The following ZNF407 variants were observed in gnomAD, a reference collection of about 807,000 sequenced individuals.
ZNF407 encodes zinc finger protein 407.
Under a neutral mutation model 131.2 loss-of-function variants are expected in ZNF407, and 17 were observed. That is an observed-to-expected ratio of 0.13 (90% CI 0.09 to 0.19). The LOEUF is 0.19. Among genes scored for constraint, ZNF407 ranks in the 10% least tolerant of loss-of-function variants. ZNF407 has a pLI of 1.00. For synonymous variants in ZNF407, 1,156 were observed against 1,062.0 expected (o/e 1.09, Z -1.72); for missense variants, 2,681 against 2,830.6 (o/e 0.95, Z 1.20).
intron 1 of ZNF407, among the ~76,000 whole-genome samples, chr18:74,625,451 C>T (rs961400081): frequency 1.3e-5 from 2 of 152,048 alleles, no homozygotes; most frequent in Non-Finnish European, 2.9e-5. Flanking sequence ...CTGCTGGTGC[C>T]TAGTGAAAGG....
intron 7 of ZNF407, chr18:74,905,788 C>T (rs1971588232): frequency 6.6e-6 from 1 of 152,026 alleles, no homozygotes; most frequent in Non-Finnish European, 1.5e-5. Context: ...AAATAGCTAC[C>T]AGTTATAATA....
At chr18:74,751,849 T>C (rs1968811812) in intron 3 of ZNF407, among the ~76,000 whole-genome samples, 1 of 152,236 alleles carries the variant, frequency 6.6e-6, no homozygotes, top group African/African-American at 2.4e-5. Context: ...CGTGTGTCTT[T>C]ATAGCAAGCT....
In ZNF407 at chr18:75,048,192, CCTGTA is replaced by C. The variant is rs1973457813; in HGVS notation, c.5429-14956_5429-14952del. Reference sequence around the variant, plus strand: ...AGGCCTGTGCCTCGTCTCCCGGTGACCTGTACAGACACCGCCCTTTTTGCTCTCAA... The same window carrying C: ...AGGCCTGTGCCTCGTCTCCCGGTGACCAGACACCGCCCTTTTTGCTCTCAA... On this transcript the variant is annotated intron_variant, in intron 8 of 8. Transcript: ENST00000299687. The surrounding 1 kb of genome is among the most constrained non-coding windows in gnomAD (Gnocchi z 4.1). Among the ~76,000 whole-genome samples the C allele has an allele frequency of 1.3e-5, 2 of 152,188 alleles. No homozygotes were observed. The highest frequency in any genetic ancestry group is 1.3e-4 in the Admixed American group (2 of 15,280).
intron 1 of ZNF407, among the ~76,000 whole-genome samples, chr18:74,606,370 A>T (rs1982806027): frequency 6.6e-6 from 1 of 152,210 alleles, no homozygotes; most frequent in Admixed American, 6.5e-5. Flanking sequence ...GTTTCTTATG[A>T]CATAATGGAG....
At chr18:74,616,750 C>A in intron 1 of ZNF407, among the ~76,000 whole-genome samples, 1 of 151,612 alleles carries the variant, frequency 6.6e-6, no homozygotes, top group Middle Eastern at 3.4e-3. Flanking sequence ...TTGCCTACCA[C>A]ACACATCCAT....
intron 3 of ZNF407, among the ~76,000 whole-genome samples, chr18:74,677,751 C>G (rs957798580): frequency 1.3e-5 from 2 of 152,104 alleles, no homozygotes; most frequent in African/African-American, 4.8e-5. Context: ...AATATTGAAG[C>G]CCCTTTGGGT....
intron 4 of ZNF407, among the ~76,000 whole-genome samples, chr18:74,842,892 T>C (rs1486537071): frequency 2.0e-5 from 3 of 152,106 alleles, no homozygotes; most frequent in East Asian, 3.9e-4. Context: ...AATTTTTGTA[T>C]TTTTAGTAGA....
At chr18:74,836,008 GAAA>G (rs572896349) in intron 4 of ZNF407, among the ~76,000 whole-genome samples, 250 of 129,800 alleles carry the variant, frequency 1.9e-3, no homozygotes, top group African/African-American at 6.7e-3. Flanking sequence ...GACCCTTATG[GAAA>G]AAAAAAAAAA....
In ZNF407 at chr18:74,638,449, G is replaced by T. The variant is rs1984561036; in HGVS notation, c.4688-2559G>T. ...GATGGCTCTAGTGGTTAGATGTTGG[G>T]TAATATACAACTTCCTTCATTCCTT... On this transcript the variant is annotated intron_variant, in intron 2 of 8. Transcript: ENST00000299687. Among the ~76,000 whole-genome samples the T allele has an allele frequency of 2.0e-5, 3 of 152,292 alleles. No individual in the cohort carries two copies. In the South Asian group the frequency reaches 6.2e-4, roughly 32 times the overall value.
chr18:74,665,503 G>A (rs1985894597), intron 3 of ZNF407, among the ~76,000 whole-genome samples: 1 of 152,162 alleles, frequency 6.6e-6, no homozygotes, highest in African/African-American at 2.4e-5. Flanking sequence ...ATTGACCAGA[G>A]CTGAGTACAA....
chr18:74,708,724 C>G (rs1261796830), intron 3 of ZNF407, among the ~76,000 whole-genome samples: 1 of 152,230 alleles, frequency 6.6e-6, no homozygotes, highest in Non-Finnish European at 1.5e-5. Context: ...TGGGGTCTGC[C>G]AGCTTGCTGT....
intron 3 of ZNF407, among the ~76,000 whole-genome samples, chr18:74,653,241 A>G (rs1043094932): frequency 7.9e-5 from 12 of 151,778 alleles, no homozygotes; most frequent in South Asian, 2.1e-4. Flanking sequence ...CTGTTTGGCT[A>G]TTGTAGATTA....
chr18:74,693,111 C>T (rs1967268318), intron 3 of ZNF407, among the ~76,000 whole-genome samples: 1 of 152,198 alleles, frequency 6.6e-6, no homozygotes, highest in Non-Finnish European at 1.5e-5. Context: ...TGATTTCTTC[C>T]TATCCATTTG....
At chr18:74,974,068 A>C (rs1207237628) in intron 8 of ZNF407, among the ~76,000 whole-genome samples, 1 of 152,222 alleles carries the variant, frequency 6.6e-6, no homozygotes, top group Non-Finnish European at 1.5e-5. Context: ...AATTTATCAT[A>C]GTATATATAA....
chr18:74,866,555 T>C (rs2145166603), intron 4 of ZNF407, among the ~76,000 whole-genome samples: 1 of 152,272 alleles, frequency 6.6e-6, no homozygotes, highest in East Asian at 1.9e-4. Context: ...CTTGAAATTA[T>C]GTATCCATAA....
At chr18:74,619,799 C>A (rs1983443802) in intron 1 of ZNF407, among the ~76,000 whole-genome samples, 1 of 151,952 alleles carries the variant, frequency 6.6e-6, no homozygotes, top group Admixed American at 6.6e-5. Context: ...AACAGCAAAT[C>A]CCATTTCTCT....
intron 3 of ZNF407, among the ~76,000 whole-genome samples, chr18:74,766,694 A>G (rs1174203384): frequency 6.6e-6 from 1 of 152,230 alleles, no homozygotes; most frequent in African/African-American, 2.4e-5. Flanking sequence ...TGTTCAGTAC[A>G]CAATCAACAA....
chr18:75,024,062 A>C (rs1973143349), intron 8 of ZNF407, among the ~76,000 whole-genome samples: 1 of 152,192 alleles, frequency 6.6e-6, no homozygotes, highest in South Asian at 2.1e-4. Flanking sequence ...GCTTATCCTC[A>C]AAATGTATGT....
intron 1 of ZNF407, 115 bp from the exon 2 acceptor site, chr18:74,630,852 T>G (rs944439669): frequency 7.4e-6 from 5 of 679,704 alleles, no homozygotes; most frequent in Non-Finnish European, 1.1e-5. Flanking sequence ...CAAATTCATC[T>G]CAGTATAAAG....
Sources: gnomAD v4.1 joint callset for allele counts (sites outside exome capture counted in the v4.1 genomes callset) on GRCh38, gnomAD v4.1.1 for gene constraint, Gnocchi (gnomAD v3.1) non-coding constraint, MANE v1.5 for transcripts, NCBI Gene and HGNC (gene_info 2026-07-23, HGNC 2026-07-21) for gene names.